The following NAALADL2 variants were observed in gnomAD, a reference collection of about 807,000 sequenced individuals.
NAALADL2 encodes the protein N-acetylated alpha-linked acidic dipeptidase like 2.
A neutral mutation model predicts 87.2 loss-of-function variants in NAALADL2; 76 were observed. The ratio of observed to expected loss-of-function variants is 0.87; its 90% confidence interval spans 0.72 to 1.05. The LOEUF (loss-of-function observed/expected upper bound fraction) is 1.05, where lower values mean the gene tolerates loss of function less well. Among genes scored for constraint, NAALADL2 ranks in the 50% least tolerant of loss-of-function variants. NAALADL2 has a pLI of 0.00. For missense variants in NAALADL2, 1,089 were observed against 945.8 expected, an observed-to-expected ratio of 1.15 and a Z score of -1.99; for synonymous variants, 354 against 331.0, an observed-to-expected ratio of 1.07 and a Z score of -0.75.
At chr3:174,825,726 T>C (rs1355260891) in intron 3 of NAALADL2, among the ~76,000 whole-genome samples, 1 of 152,104 alleles carries the variant, frequency 6.6e-6, no homozygotes, top group Non-Finnish European at 1.5e-5. Context: ...AATTGTTGAG[T>C]CCTTAAACAT....
At chr3:174,617,050 G>T (rs918819146) in intron 2 of NAALADL2, among the ~76,000 whole-genome samples, 1 of 151,724 alleles carries the variant, frequency 6.6e-6, no homozygotes, top group African/African-American at 2.4e-5. Flanking sequence ...AATTCACTTA[G>T]TTAACTTTGT....
chr3:174,963,270 A>G (rs10513728), intron 1 of NAALADL2, among the ~76,000 whole-genome samples: 4,029 of 152,270 alleles, frequency 0.026, 124 homozygotes, highest in African/African-American at 0.071. Context: ...GACTGTGAAG[A>G]ATAATTCATG....
intron 9 of NAALADL2, among the ~76,000 whole-genome samples, chr3:175,504,565 T>TTCTCTCTCTCTCTC (rs200985901): frequency 3.7e-5 from 5 of 134,318 alleles, no homozygotes; most frequent in African/African-American, 5.5e-5. Context: ...CTCTCTCTGT[T>TTCTCTCTCTCTCTC]TCTCTCTCTC....
chr3:174,735,918 G>T (rs1321006831), intron 2 of NAALADL2, among the ~76,000 whole-genome samples: 1 of 152,118 alleles, frequency 6.6e-6, no homozygotes, highest in Admixed American at 6.5e-5. Context: ...TCCCATGCTT[G>T]CCAAGGGTGA....
intron 5 of NAALADL2, among the ~76,000 whole-genome samples, chr3:175,349,077 A>T (rs1029133432): frequency 6.6e-6 from 1 of 152,066 alleles, no homozygotes; most frequent in Non-Finnish European, 1.5e-5. Context: ...TGTGGGGGAC[A>T]TGTTGTTGTA....
intron 3 of NAALADL2, among the ~76,000 whole-genome samples, chr3:174,753,815 A>C (rs1560196830): frequency 6.6e-6 from 1 of 152,152 alleles, no homozygotes; most frequent in East Asian, 1.9e-4. Context: ...TTGCACTTGG[A>C]GATGAGACTT....
chr3:174,713,827 G>C lies in NAALADL2; in HGVS notation c.-114-23814G>C, dbSNP rs1730921749. ...GAATTAGATCCCATTTGTCAATTTT[G>C]TCTTTTGTTGCCATTGCTTTTGGTG... On this transcript the variant is annotated intron_variant, in intron 2 of 3. Coordinates refer to the NAALADL2 transcript ENST00000434257. Among the ~76,000 whole-genome samples the C allele has an allele frequency of 2.0e-5, 3 of 152,032 alleles. No homozygotes were observed. In the East Asian group the frequency reaches 5.8e-4, roughly 29 times the overall value.
chr3:174,764,872 A>C (rs867598312), intron 3 of NAALADL2, among the ~76,000 whole-genome samples: 2 of 152,190 alleles, frequency 1.3e-5, no homozygotes, highest in African/African-American at 4.8e-5. Flanking sequence ...TTTATAGTAT[A>C]AGTCCAACTA....
upstream of NAALADL2, among the ~76,000 whole-genome samples, chr3:174,858,714 G>GT (rs1335759734): frequency 6.6e-6 from 1 of 151,780 alleles, no homozygotes; most frequent in Admixed American, 6.6e-5. Flanking sequence ...ATTAGAAATT[G>GT]TTTTTTGTTT....
chr3:174,719,887 C>T (rs548534198), intron 2 of NAALADL2, among the ~76,000 whole-genome samples: 5 of 152,260 alleles, frequency 3.3e-5, no homozygotes, highest in Non-Finnish European at 5.9e-5. Context: ...CCGCAACGTC[C>T]GCCTCCCGGG....
chr3:175,143,202 T>C (rs568209289), intron 2 of NAALADL2, among the ~76,000 whole-genome samples: 1 of 151,962 alleles, frequency 6.6e-6, no homozygotes, highest in South Asian at 2.1e-4. Context: ...ACTCACACAC[T>C]CATATGCATA....
At chr3:174,942,380 A>G (rs1157234284) in intron 1 of NAALADL2, among the ~76,000 whole-genome samples, 1 of 152,120 alleles carries the variant, frequency 6.6e-6, no homozygotes, top group African/African-American at 2.4e-5. Context: ...TTTTGCTTGT[A>G]GAGTCTCAGC....
chr3:175,091,985 T>G (rs1720219782), intron 1 of NAALADL2, among the ~76,000 whole-genome samples: 1 of 151,940 alleles, frequency 6.6e-6, no homozygotes, highest in Non-Finnish European at 1.5e-5. Context: ...TATTTTAAAC[T>G]TGTAAGCTCC....
chr3:175,006,412 G>A (rs967173220), intron 1 of NAALADL2, among the ~76,000 whole-genome samples: 10 of 152,116 alleles, frequency 6.6e-5, no homozygotes, highest in African/African-American at 2.2e-4. Flanking sequence ...AATAACAGAT[G>A]TGCAGTAAAT....
chr3:175,291,857 C>A (rs1755677184), intron 4 of NAALADL2, among the ~76,000 whole-genome samples: 1 of 151,998 alleles, frequency 6.6e-6, no homozygotes, highest in African/African-American at 2.4e-5. Context: ...GTAAGTATGC[C>A]TTGAGTGAAT....
At position 175,600,525 on chromosome 3, in the gene NAALADL2, C is replaced by CTTTTTTTT. The variant is rs869212429; in HGVS notation, c.1800+24361_1800+24368dup. 9.7e-3 allele frequency among the ~76,000 whole-genome samples: 594 copies of CTTTTTTTT among 61,080 alleles called. 153 individuals are homozygous for CTTTTTTTT. Among genetic ancestry groups the CTTTTTTTT allele is most frequent in the Non-Finnish European group, 0.012 (425 of 34,178 alleles). The allele number at this position is 61,080 out of a possible 152,430, so 40.1% of individuals were successfully genotyped here. On this transcript the variant is annotated intron_variant, in intron 10 of 13. Coordinates refer to ENST00000454872, the MANE Select transcript of NAALADL2 (RefSeq NM_207015.3). The stretch of plus-strand genomic sequence containing the variant: ...TTTTGTCCCACAAATGTGTCTTAGT[C>CTTTTTTTT]TTTTTTTTTTTTTTTTTTTTTTTTT...
At chr3:174,602,561 T>C (rs1052254166) in intron 2 of NAALADL2, among the ~76,000 whole-genome samples, 1 of 152,000 alleles carries the variant, frequency 6.6e-6, no homozygotes, top group Non-Finnish European at 1.5e-5. Flanking sequence ...TTGAAAATTA[T>C]ATTTCAAATA....
At chr3:175,633,746 A>C (rs1352815014) in intron 11 of NAALADL2, among the ~76,000 whole-genome samples, 1 of 151,768 alleles carries the variant, frequency 6.6e-6, no homozygotes, top group Non-Finnish European at 1.5e-5. Flanking sequence ...AGAGAAAAAA[A>C]TTCCTTATTT....
At chr3:174,803,054 A>G (rs1002750972) in intron 3 of NAALADL2, among the ~76,000 whole-genome samples, 20 of 152,128 alleles carry the variant, frequency 1.3e-4, no homozygotes, top group African/African-American at 4.8e-4. Context: ...GAATTGCCAC[A>G]CTGTCTTCCA....
Sources: gnomAD v4.1 joint callset for allele counts (sites outside exome capture counted in the v4.1 genomes callset) on GRCh38, gnomAD v4.1.1 for gene constraint, MANE v1.5 for transcripts, NCBI Gene and HGNC (gene_info 2026-07-23, HGNC 2026-07-21) for gene names.